The following PRDM10 variants were observed in gnomAD, a reference collection of about 807,000 sequenced individuals.
PRDM10 encodes PR/SET domain 10, also known as PR domain zinc finger protein 10.
A neutral mutation model predicts 133.1 loss-of-function variants in PRDM10; 65 were observed. That is an observed-to-expected ratio of 0.49 (90% CI 0.40 to 0.60). The LOEUF (loss-of-function observed/expected upper bound fraction) is 0.60. PRDM10 is among the 20% of genes least tolerant of loss of function. The pLI, the probability that PRDM10 is intolerant of heterozygous loss-of-function variation, is 0.00. For synonymous variants in PRDM10, 582 were observed against 580.4 expected, an observed-to-expected ratio of 1.00 and a Z score of -0.04; for missense variants, 1,137 against 1,507.1, an observed-to-expected ratio of 0.75 and a Z score of 4.07.
At chr11:129,925,303 AAG>A in intron 11 of PRDM10, 74 bp from the exon 12 acceptor site, 1 of 1,345,114 alleles carries the variant, frequency 7.4e-7, no homozygotes, top group South Asian at 1.4e-5. Flanking sequence ...TTTACAGAGA[AAG>A]AGAGGATGAT....
chr11:129,954,565 A>G (rs1951660356), intron 4 of PRDM10, among the ~76,000 whole-genome samples: 1 of 152,148 alleles, frequency 6.6e-6, no homozygotes, highest in African/African-American at 2.4e-5. Flanking sequence ...ATGCCTGGCC[A>G]GAAAGTGCTT....
intron 1 of PRDM10, among the ~76,000 whole-genome samples, chr11:129,970,270 A>G (rs1951990467): frequency 6.6e-6 from 1 of 152,254 alleles, no homozygotes. Flanking sequence ...ATATTGGTTC[A>G]TTTAATCCTC....
chr11:129,938,654 G>C (rs1951111320), intron 7 of PRDM10, among the ~76,000 whole-genome samples: 3 of 152,054 alleles, frequency 2.0e-5, no homozygotes, highest in Admixed American at 2.0e-4. Flanking sequence ...ACCCCAGTTG[G>C]ATCATTACAC....
At chr11:129,971,932 G>T (rs1330548831) in intron 1 of PRDM10, among the ~76,000 whole-genome samples, 1 of 152,238 alleles carries the variant, frequency 6.6e-6, no homozygotes, top group Non-Finnish European at 1.5e-5. Flanking sequence ...CACGGAGGGG[G>T]TGGGAGGCTC....
Position 129,912,113 on chromosome 11 carries a change from G to C in PRDM10, c.2954C>G (p.Pro985Arg), listed in dbSNP as rs776029916. 119 of 1,612,028 alleles carry C rather than the reference G, an allele frequency of 7.4e-5. No homozygotes were observed. The Admixed American group carries it at 1.1e-3, about 15-fold the overall frequency. Residue 985 changes from proline (P) to arginine (R), a missense_variant, in exon 18 of 21, where the codon CCT (proline) becomes CGT (arginine). Pro to Arg is a moderately radical substitution (Grantham distance 103). Coordinates refer to ENST00000360871, the MANE Select transcript of PRDM10 (RefSeq NM_199437.2). Reference sequence around the variant, plus strand: ...GGCGGAGGACGGGGCCGAGGCGGTAGGCTCGCTGACCTGGATGTGCTGCAC... The same window carrying C: ...GGCGGAGGACGGGGCCGAGGCGGTACGCTCGCTGACCTGGATGTGCTGCAC... ...IQVQHIQVSE[P>R]TASAPSSAQV...
Position 129,912,118 on chromosome 11 carries a change from G to T in PRDM10, c.2949C>A (p.Ser983Arg), listed in dbSNP as rs768941449. The stretch of plus-strand genomic sequence containing the variant: ...AGGACGGGGCCGAGGCGGTAGGCTC[G>T]CTGACCTGGATGTGCTGCACCTGGA... ...HAIQVQHIQV[S>R]EPTASAPSSA... is the part of the protein sequence containing the mutation. The change falls in exon 18 of 21, where the codon AGC becomes AGA. Residue 983 changes from serine to arginine, a missense_variant. Ser to Arg is a moderately radical substitution (Grantham distance 110, BLOSUM62 -1). This residue lies in a region of PRDM10 where 243 missense variants were observed against 259.2 expected (regional missense o/e 0.94). Coordinates refer to ENST00000360871, the MANE Select transcript of PRDM10 (RefSeq NM_199437.2). The T allele has an allele frequency of 1.9e-6, 3 of 1,612,296 alleles. No homozygotes were observed. Among genetic ancestry groups the T allele is most frequent in the South Asian group, 2.2e-5 (2 of 90,884 alleles).
chr11:129,956,419 C>T (rs1391163318), intron 3 of PRDM10, among the ~76,000 whole-genome samples: 3 of 152,084 alleles, frequency 2.0e-5, no homozygotes, highest in Non-Finnish European at 4.4e-5. Context: ...CGAAAATTAG[C>T]TTGTTGTGGT....
intron 18 of PRDM10, among the ~76,000 whole-genome samples, 154 bp from the exon 19 acceptor site, chr11:129,910,810 C>A (rs1027720724): frequency 3.9e-5 from 6 of 152,078 alleles, no homozygotes; most frequent in African/African-American, 1.2e-4. Flanking sequence ...GAGTTTCACT[C>A]TTATTGCCCA....
intron 1 of PRDM10, among the ~76,000 whole-genome samples, chr11:129,977,534 G>A (rs1010776106): frequency 3.9e-5 from 6 of 152,040 alleles, no homozygotes; most frequent in African/African-American, 1.2e-4. Flanking sequence ...TGCCCGCCTC[G>A]GCCTCCCAAA....
chr11:129,940,323 G>A (rs1415792632), intron 7 of PRDM10, among the ~76,000 whole-genome samples: 1 of 152,040 alleles, frequency 6.6e-6, no homozygotes, highest in Non-Finnish European at 1.5e-5. Context: ...GTCTAGTACT[G>A]TCTTCTTTTT....
At chr11:129,935,266 C>T in intron 8 of PRDM10, 48 bp from the exon 9 acceptor site, 2 of 1,403,778 alleles carry the variant, frequency 1.4e-6, no homozygotes, top group Non-Finnish European at 2.0e-6. Context: ...CAATAGACAC[C>T]AGTAAAACTC....
At chr11:129,998,556 AC>A (rs1347185911) in intron 1 of PRDM10, among the ~76,000 whole-genome samples, 4 of 152,158 alleles carry the variant, frequency 2.6e-5, no homozygotes, top group Admixed American at 1.3e-4. Context: ...AATTGTTTTC[AC>A]CACATTTTAA....
Position 129,947,152 on chromosome 11 carries a change from G to A in PRDM10, c.513C>T (p.His171=), listed in dbSNP as rs777997127. Reference sequence around the variant, plus strand: ...ACCCGTGCCCACACTTACACAAGTCGTGTGGGTCGAAGGGCCGGGGCGGGT... The same window carrying A: ...ACCCGTGCCCACACTTACACAAGTCATGTGGGTCGAAGGGCCGGGGCGGGT... ...EPDPPRPFDP[H]DLWCEECNNA... The change falls in exon 5 of 21, where the codon CAC becomes CAT. Residue 171 remains histidine (H), a synonymous_variant. Coordinates refer to ENST00000360871, the MANE Select transcript of PRDM10 (RefSeq NM_199437.2). The surrounding 1 kb of genome is among the most constrained non-coding windows in gnomAD (Gnocchi z 4.6). 26 of 1,613,946 alleles carry A rather than the reference G, an allele frequency of 1.6e-5. No homozygotes were observed. Among genetic ancestry groups the A allele is most frequent in the South Asian group, 6.6e-5 (6 of 91,088 alleles).
intron 1 of PRDM10, among the ~76,000 whole-genome samples, chr11:129,961,902 TGTC>T (rs1951803933): frequency 6.6e-6 from 1 of 152,134 alleles, no homozygotes; most frequent in Non-Finnish European, 1.5e-5. Context: ...TAAAATTAGT[TGTC>T]GTGAGGAGAA....
chr11:129,936,918 C>CATACACTAGAATACCAAATGAGA (rs1488405710), intron 8 of PRDM10, among the ~76,000 whole-genome samples: 1 of 152,224 alleles, frequency 6.6e-6, no homozygotes, highest in African/African-American at 2.4e-5. Flanking sequence ...GTTTTACATT[C>CATACACTAGAATACCAAATGAGA]ATACACTAGA....
At chr11:129,949,046 G>A (rs1275775222) in intron 4 of PRDM10, among the ~76,000 whole-genome samples, 1 of 152,112 alleles carries the variant, frequency 6.6e-6, no homozygotes, top group Non-Finnish European at 1.5e-5. Context: ...CTTCCCATCT[G>A]CCAAGATCTT....
At chr11:129,910,174 A>C (rs372564049) in intron 19 of PRDM10, among the ~76,000 whole-genome samples, 1 of 152,230 alleles carries the variant, frequency 6.6e-6, no homozygotes, top group Non-Finnish European at 1.5e-5. Context: ...GGCATTCTAC[A>C]AATATTGGTG....
intron 12 of PRDM10, among the ~76,000 whole-genome samples, chr11:129,924,091 T>C (rs1950604256): frequency 6.6e-6 from 1 of 152,236 alleles, no homozygotes; most frequent in East Asian, 1.9e-4. Context: ...AGCTAAGTAG[T>C]GAGTCTTACC....
At chr11:129,972,113 G>A (rs1394688137) in intron 1 of PRDM10, among the ~76,000 whole-genome samples, 52 of 152,234 alleles carry the variant, frequency 3.4e-4, no homozygotes, top group Admixed American at 3.3e-3. Context: ...TGGCTGCTCC[G>A]AGTGTGGGGC....
Sources: allele counts gnomAD v4.1 joint callset (sites outside exome capture counted in the v4.1 genomes callset), GRCh38; gene constraint gnomAD v4.1.1; regional missense constraint gnomAD v4.1.1; non-coding constraint Gnocchi (gnomAD v3.1); transcripts MANE v1.5; gene names NCBI Gene and HGNC (gene_info 2026-07-23, HGNC 2026-07-21).